NOL9: variants seen among roughly 807,000 people sequenced by gnomAD.
NOL9 encodes the protein nucleolar protein 9, also known as polynucleotide 5'-hydroxyl-kinase NOL9.
Under a neutral mutation model 67.9 loss-of-function variants are expected in NOL9, and 28 were observed. The observed-to-expected ratio is 0.41, with a 90% CI of 0.31 to 0.57. NOL9 has a LOEUF of 0.57. Ranked by LOEUF, NOL9 falls within the 20% of genes least tolerant of loss-of-function variation. NOL9 has a pLI of 0.25. For synonymous variants in NOL9, 356 were observed against 352.2 expected, an observed-to-expected ratio of 1.01 and a Z score of -0.12; for missense variants, 777 against 897.0, an observed-to-expected ratio of 0.87 and a Z score of 1.71.
At chr1:6,548,391 C>CA (rs1380534843) in intron 3 of NOL9, 2 of 208,610 alleles carry the variant, frequency 9.6e-6, no homozygotes, top group African/African-American at 2.3e-5. Context: ...AAGTGATCTG[C>CA]CCACCTCAGC....
At chr1:6,538,145 T>G (rs980184850) in intron 6 of NOL9, among the ~76,000 whole-genome samples, 2 of 152,102 alleles carry the variant, frequency 1.3e-5, no homozygotes, top group Non-Finnish European at 2.9e-5. Flanking sequence ...TTAGTAATGA[T>G]TTCAAGGATG....
At chr1:6,540,258 GACTACAGGCGCCCGCC>G (rs1639252747) in intron 6 of NOL9, among the ~76,000 whole-genome samples, 1 of 150,984 alleles carries the variant, frequency 6.6e-6, no homozygotes, top group South Asian at 2.1e-4. Context: ...AAGTAGCTGG[GACTACAGGCGCCCGCC>G]ACTACGCCTG....
intron 2 of NOL9, 50 bp from the exon 3 acceptor site, chr1:6,549,748 C>T (rs1474968519): frequency 1.2e-6 from 2 of 1,606,734 alleles, no homozygotes; most frequent in Admixed American, 3.4e-5. Context: ...TCATTACATT[C>T]CACGCCCTTT....
intron 6 of NOL9, among the ~76,000 whole-genome samples, chr1:6,538,788 G>C (rs1292216767): frequency 6.6e-6 from 1 of 152,150 alleles, no homozygotes; most frequent in Non-Finnish European, 1.5e-5. Context: ...TTCGAGACCA[G>C]CCTGGCCAAT....
intron 5 of NOL9, among the ~76,000 whole-genome samples, chr1:6,544,449 A>G (rs1233583176): frequency 6.6e-6 from 1 of 151,718 alleles, no homozygotes; most frequent in East Asian, 1.9e-4. Flanking sequence ...TGAGCCCAGG[A>G]GTTCAAGACT....
rs1329340589 is a variant in NOL9 at position 6,549,712 on chromosome 1, A to C, written c.617-14T>G. ...AACGCCTGTCATCTGTAAAGAGAAA[A>C]ATAAACCACCTTAGAAGCAGTAACT... On this transcript the variant is annotated splice_polypyrimidine_tract_variant and intron_variant, in intron 2 of 11. Coordinates refer to ENST00000377705, the MANE Select transcript of NOL9 (RefSeq NM_024654.5). 2 of 1,611,456 alleles carry C rather than the reference A, an allele frequency of 1.2e-6. No homozygotes were observed. Among genetic ancestry groups the C allele is most frequent in the African/African-American group, 1.4e-5 (1 of 73,546 alleles).
chr1:6,552,250 A>C (rs1484141964), intron 1 of NOL9, among the ~76,000 whole-genome samples: 1 of 152,064 alleles, frequency 6.6e-6, no homozygotes, highest in Non-Finnish European at 1.5e-5. Context: ...ACTACGTAAT[A>C]AATCTGCACA....
Position 6,554,186 on chromosome 1 carries a change from C to G in NOL9, c.317G>C (p.Ser106Thr). The G allele has an allele frequency of 6.6e-7, 1 of 1,522,394 alleles. No homozygotes were observed. Among genetic ancestry groups the G allele is most frequent in the Non-Finnish European group, 8.8e-7 (1 of 1,134,432 alleles). 94.3% of individuals were successfully genotyped at this position (1,522,394 alleles called of 1,614,324 possible). ...TGGGATGAGGAGAGGCCGGTGGCAA[C>G]TCGAGGCGGATTCGAGTTCGGGTTC... Reference protein sequence around the residue: ...ESEPELESASSCHRPLLIPPV... With the variant: ...ESEPELESASTCHRPLLIPPV... Residue 106 changes from serine (S) to threonine (T), a missense_variant, in exon 1 of 12, where the codon AGT becomes ACT. Around this residue, in one of 2 missense-constraint regions of NOL9, gnomAD observed 364 missense variants for 344.4 expected, o/e 1.06. Coordinates refer to ENST00000377705, the MANE Select transcript of NOL9 (RefSeq NM_024654.5).
Position 6,553,410 on chromosome 1 carries a change from TAGAG to T in NOL9, c.396+693_396+696del, listed in dbSNP as rs1005217632. 4.6e-5 allele frequency among the ~76,000 whole-genome samples: 7 copies of T among 152,274 alleles called. No individual in the cohort carries two copies. In the South Asian group the frequency reaches 8.3e-4, roughly 18 times the overall value. Reference sequence around the variant, plus strand: ...CTCAGTCTCCTCGTCTGTAAACACTTAGAGAGAGGGACAACTACTCCGTAAGAGA... The same window carrying T: ...CTCAGTCTCCTCGTCTGTAAACACTTAGAGGGACAACTACTCCGTAAGAGA... On this transcript the variant is annotated intron_variant, in intron 1 of 11. Transcript: ENST00000377705.
chr1:6,537,070 T>C (rs539951846), intron 6 of NOL9, among the ~76,000 whole-genome samples: 19 of 151,968 alleles, frequency 1.3e-4, no homozygotes, highest in East Asian at 3.9e-4. Flanking sequence ...TGGAACAGCA[T>C]AGAAAGCCTG....
chr1:6,537,572 G>A (rs1416031833), intron 6 of NOL9, among the ~76,000 whole-genome samples: 1 of 152,114 alleles, frequency 6.6e-6, no homozygotes, highest in African/African-American at 2.4e-5. Flanking sequence ...CACTTGTACT[G>A]ACTTCAAAAC....
At chr1:6,528,865 T>C (rs1364011104) in intron 10 of NOL9, 129 bp downstream of exon 10, 2 of 850,784 alleles carry the variant, frequency 2.4e-6, no homozygotes, top group African/African-American at 1.7e-5. Flanking sequence ...AGGCGTGCTA[T>C]ATAGATGAGT....
At chr1:6,538,798 T>C (rs896233873) in intron 6 of NOL9, among the ~76,000 whole-genome samples, 4 of 151,828 alleles carry the variant, frequency 2.6e-5, no homozygotes, top group Non-Finnish European at 5.9e-5. Context: ...GCCTGGCCAA[T>C]GTGGTGAAAC....
rs1303402782 is a variant in NOL9 at position 6,532,880 on chromosome 1, C to T, written c.1238-120G>A. On this transcript the variant is annotated intron_variant, in intron 7 of 11. Coordinates refer to ENST00000377705, the MANE Select transcript of NOL9 (RefSeq NM_024654.5). ...TTCTAAGACAAAGAAACCATCAATA[C>T]GTTGGACTTCGGCTGGGCACAGTGG... 3.4e-5 allele frequency: 34 copies of T among 998,368 alleles called. No homozygotes were observed. The East Asian group carries it at 8.7e-4, about 25-fold the overall frequency. 61.8% of individuals were successfully genotyped at this position (998,368 alleles called of 1,614,324 possible). A position where few individuals can be genotyped will look rare whatever the true frequency, so the allele number is the denominator to read the frequency against.
chr1:6,554,139 CG>C lies in NOL9; in HGVS notation c.363del (p.Gly122AlafsTer21). ...ACCGGCAGCAGCAGCAACGCGCGGC[CG>C]GGGCCCACGGGCCGCACCGGTGGGA... ...LLIPPVRPVG[P>X]GRALLLLPVE... On this transcript the variant is annotated frameshift_variant, in exon 1 of 12. Transcript: ENST00000377705. LOFTEE classifies it high-confidence loss of function. 3 of 1,529,914 alleles carry C rather than the reference CG, an allele frequency of 2.0e-6. No individual in the cohort carries two copies. Among genetic ancestry groups the C allele is most frequent in the African/African-American group, 1.4e-5 (1 of 70,492 alleles). The allele number at this position is 1,529,914 out of a possible 1,614,324, so 94.8% of individuals were successfully genotyped here.
intron 3 of NOL9, among the ~76,000 whole-genome samples, chr1:6,548,942 C>T (rs1023921559): frequency 6.6e-6 from 1 of 151,994 alleles, no homozygotes; most frequent in Non-Finnish European, 1.5e-5. Flanking sequence ...ATTAGCTGGG[C>T]ATGGTGGCAT....
rs1233865412 is a variant in NOL9 at position 6,549,710 on chromosome 1, AAAAT to A, written c.617-16_617-13del. 1.9e-6 allele frequency: 3 copies of A among 1,611,506 alleles called. No homozygotes were observed. Among genetic ancestry groups the A allele is most frequent in the Non-Finnish European group, 8.5e-7 (1 of 1,179,562 alleles). ...CCAACGCCTGTCATCTGTAAAGAGA[AAAAT>A]AAACCACCTTAGAAGCAGTAACTTC... On this transcript the variant is annotated splice_polypyrimidine_tract_variant and intron_variant, in intron 2 of 11. Coordinates refer to ENST00000377705, the MANE Select transcript of NOL9 (RefSeq NM_024654.5).
chr1:6,529,668 G>A (rs971194619), intron 9 of NOL9, among the ~76,000 whole-genome samples: 11 of 152,194 alleles, frequency 7.2e-5, no homozygotes, highest in African/African-American at 2.4e-4. Flanking sequence ...GCTCACGCCT[G>A]TAATCTCAAC....
At chr1:6,535,030 A>C (rs1639118121) in intron 6 of NOL9, among the ~76,000 whole-genome samples, 1 of 152,108 alleles carries the variant, frequency 6.6e-6, no homozygotes, top group Non-Finnish European at 1.5e-5. Context: ...AGTTGGTCTC[A>C]AACTCCTGAC....
Sources: gnomAD v4.1 joint callset for allele counts (sites outside exome capture counted in the v4.1 genomes callset) on GRCh38, gnomAD v4.1.1 for gene constraint, gnomAD v4.1.1 regional missense constraint, MANE v1.5 for transcripts, NCBI Gene and HGNC (gene_info 2026-07-23, HGNC 2026-07-21) for gene names.